The following ADGRL2 variants were observed in gnomAD, a reference collection of about 807,000 sequenced individuals.
ADGRL2 encodes calcium-independent alpha-latrotoxin receptor 2.
ADGRL2 carries 44 observed loss-of-function variants against 157.4 expected under a neutral mutation model. The observed-to-expected ratio is 0.28, with a 90% CI of 0.22 to 0.36. ADGRL2 has a LOEUF of 0.36. Among genes scored for constraint, ADGRL2 ranks in the 10% least tolerant of loss-of-function variants. The pLI, the probability that ADGRL2 is intolerant of heterozygous loss-of-function variation, is 1.00. For missense variants in ADGRL2, 1,510 were observed against 1,768.9 expected (o/e 0.85, Z 2.63); for synonymous variants, 585 against 624.7 (o/e 0.94, Z 0.95).
chr1:81,836,843 A>G (rs563302468), intron 1 of ADGRL2, 42 bp from the exon 2 acceptor site: 2 of 539,262 alleles, frequency 3.7e-6, no homozygotes, highest in East Asian at 6.7e-5. Context: ...TTTGTTATGT[A>G]GAAAGACCAT....
At chr1:81,724,598 T>A (rs140518136) in intron 1 of ADGRL2, among the ~76,000 whole-genome samples, 2 of 152,340 alleles carry the variant, frequency 1.3e-5, no homozygotes, top group African/African-American at 4.8e-5. Context: ...ATTCAATTCT[T>A]ATTTTAAATA....
chr1:81,919,644 G>A (rs773381312), intron 3 of ADGRL2, among the ~76,000 whole-genome samples: 1 of 151,616 alleles, frequency 6.6e-6, no homozygotes, highest in Non-Finnish European at 1.5e-5. Context: ...TTATAATTCT[G>A]TAATTTTTTT....
intron 3 of ADGRL2, among the ~76,000 whole-genome samples, chr1:81,661,386 A>G (rs941235252): frequency 6.6e-6 from 1 of 152,228 alleles, no homozygotes; most frequent in Non-Finnish European, 1.5e-5. Context: ...GTTGCTCAGG[A>G]CATTGTATTA....
At chr1:81,855,958 T>G (rs565673232) in intron 2 of ADGRL2, among the ~76,000 whole-genome samples, 1 of 152,146 alleles carries the variant, frequency 6.6e-6, no homozygotes, top group East Asian at 1.9e-4. Flanking sequence ...AAAGGGTGAT[T>G]TATATAGTTT....
intron 2 of ADGRL2, among the ~76,000 whole-genome samples, chr1:81,570,763 T>C (rs2080670532): frequency 1.3e-5 from 2 of 152,168 alleles, no homozygotes. Flanking sequence ...CAAAATCATA[T>C]CCAAAGAGAG....
At chr1:81,872,726 G>A (rs2093731242) in intron 2 of ADGRL2, among the ~76,000 whole-genome samples, 1 of 152,012 alleles carries the variant, frequency 6.6e-6, no homozygotes, top group African/African-American at 2.4e-5. Context: ...ATTGCCAAGA[G>A]AGGACACTTA....
At position 81,907,224 on chromosome 1, in the gene ADGRL2, C is replaced by T; in HGVS notation, c.281C>T (p.Thr94Ile). 4 of 1,612,584 alleles carry T rather than the reference C, an allele frequency of 2.5e-6. No homozygotes were observed. The highest frequency in any genetic ancestry group is 3.4e-6 in the Non-Finnish European group (4 of 1,178,666). Residue 94 changes from threonine to isoleucine, a missense_variant, in exon 3 of 24, where the codon ACT becomes ATT. Physicochemically the swap from Thr to Ile is moderately conservative, Grantham distance 89. Transcript: ENST00000686636. The part of the protein sequence containing the change: ...CYLPDAFKIM[T>I]QRCNNRTQCI... Reference sequence around the variant, plus strand: ...CTCCCCGATGCCTTCAAAATTATGACTCAAAGGTAAATATTCATGTGTTAA... The same window carrying T: ...CTCCCCGATGCCTTCAAAATTATGATTCAAAGGTAAATATTCATGTGTTAA...
At chr1:81,391,946 A>G (rs1174688201) in intron 1 of ADGRL2, among the ~76,000 whole-genome samples, 5 of 152,176 alleles carry the variant, frequency 3.3e-5, no homozygotes, top group Non-Finnish European at 4.4e-5. Context: ...CTTTATGTGT[A>G]TCATCATATT....
At chr1:81,760,950 A>T (rs1038046622) in intron 1 of ADGRL2, among the ~76,000 whole-genome samples, 1 of 151,944 alleles carries the variant, frequency 6.6e-6, no homozygotes, top group Admixed American at 6.6e-5. Context: ...GAATTCCTGA[A>T]TCATTACAAA....
chr1:81,440,608 A>G (rs1337329736), intron 1 of ADGRL2, among the ~76,000 whole-genome samples: 2 of 152,144 alleles, frequency 1.3e-5, no homozygotes, highest in African/African-American at 4.8e-5. Flanking sequence ...TTATAATCCT[A>G]CAGTTCCAGC....
intron 3 of ADGRL2, among the ~76,000 whole-genome samples, chr1:81,646,813 C>T (rs574305732): frequency 6.6e-6 from 1 of 152,220 alleles, no homozygotes; most frequent in South Asian, 2.1e-4. Flanking sequence ...CCCTGCCATG[C>T]CAGCCTCTCT....
In ADGRL2 at chr1:81,543,699, G is replaced by A. The variant is rs528721538; in HGVS notation, c.-247-37177G>A. Among the ~76,000 whole-genome samples, 184 of 152,086 alleles carry A rather than the reference G, an allele frequency of 1.2e-3. 2 individuals carry two copies. Among genetic ancestry groups the A allele is most frequent in the African/African-American group, 4.3e-3 (180 of 41,474 alleles). ...TCCCTTGACAGTCTATTTTCAAGAGGCAGTCAACAACACCCCTTAAAAATC... is the reference window on the plus strand; with the variant it reads ...TCCCTTGACAGTCTATTTTCAAGAGACAGTCAACAACACCCCTTAAAAATC... On this transcript the variant is annotated intron_variant, in intron 2 of 24. Transcript: ENST00000370721.
At chr1:81,598,758 AC>A (rs2148622662) in intron 3 of ADGRL2, among the ~76,000 whole-genome samples, 1 of 152,364 alleles carries the variant, frequency 6.6e-6, no homozygotes, top group African/African-American at 2.4e-5. Flanking sequence ...AGTGGCACTC[AC>A]GCCTCAGTTT....
At chr1:81,914,295 A>G (rs929781611) in intron 3 of ADGRL2, among the ~76,000 whole-genome samples, 1 of 152,136 alleles carries the variant, frequency 6.6e-6, no homozygotes, top group Non-Finnish European at 1.5e-5. Flanking sequence ...GTTACAATAA[A>G]CTGTAAACTC....
intron 1 of ADGRL2, among the ~76,000 whole-genome samples, chr1:81,801,467 A>G (rs955690760): frequency 6.6e-6 from 1 of 152,122 alleles, no homozygotes; most frequent in African/African-American, 2.4e-5. Flanking sequence ...ACACACACGC[A>G]GAGGTGCTGG....
chr1:81,940,968 A>C lies in ADGRL2; in HGVS notation c.398-1066A>C, dbSNP rs1232786698. Among the ~76,000 whole-genome samples, 10 of 149,840 alleles carry C rather than the reference A, an allele frequency of 6.7e-5. No individual in the cohort carries two copies. In the East Asian group the frequency reaches 2.0e-3, roughly 30 times the overall value. On this transcript the variant is annotated intron_variant, in intron 4 of 23. Transcript: ENST00000686636. The stretch of plus-strand genomic sequence containing the variant: ...TTTTTTTCCTCATGTAACTCTACTA[A>C]TCAGGTTTGTTTTATGAAAGCATTT...
chr1:81,404,981 A>G (rs1013604010), intron 1 of ADGRL2, among the ~76,000 whole-genome samples: 1 of 152,232 alleles, frequency 6.6e-6, no homozygotes, highest in Non-Finnish European at 1.5e-5. Context: ...CTATGTTGAC[A>G]TTCTAGAATA....
In ADGRL2 at chr1:81,955,901, C is replaced by T. The variant is rs1572352550; in HGVS notation, c.1858C>T (p.Leu620Phe). 1 of 1,595,982 alleles carries T rather than the reference C, an allele frequency of 6.3e-7. No homozygotes were observed. The highest frequency in any genetic ancestry group is 2.3e-5 in the East Asian group (1 of 43,776). ...LKAIVDTVDN[L>F]LRPEALESWK... is the part of the protein sequence containing the mutation. ...GGCAATTGTTGACACAGTGGACAAC[C>T]TTCTGAGACCCGAAGCTTTGGAATC... Residue 620 changes from leucine (L) to phenylalanine (F), a missense_variant, in exon 11 of 24, where the codon CTT becomes TTT. By Grantham distance (22) the Leu-to-Phe change is conservative. This residue lies in a region of ADGRL2 where 325 missense variants were observed against 333.2 expected (regional missense o/e 0.98). Transcript: ENST00000686636.
chr1:81,973,940 AATATAT>A (rs5775658), intron 17 of ADGRL2, among the ~76,000 whole-genome samples: 5 of 151,460 alleles, frequency 3.3e-5, no homozygotes, highest in Non-Finnish European at 7.4e-5. Flanking sequence ...GTGGGGAAAA[AATATAT>A]ATATATATCT....
Sources: gnomAD v4.1 joint callset for allele counts (sites outside exome capture counted in the v4.1 genomes callset) on GRCh38, gnomAD v4.1.1 for gene constraint, gnomAD v4.1.1 regional missense constraint, MANE v1.5 for transcripts, NCBI Gene and HGNC (gene_info 2026-07-23, HGNC 2026-07-21) for gene names.